PREX1: variants seen among roughly 807,000 people sequenced by gnomAD.
The protein encoded by PREX1 is phosphatidylinositol 3,4,5-trisphosphate-dependent Rac exchanger 1 protein.
In PREX1, 41 loss-of-function variants were observed where a neutral mutation model predicts 198.3. That is an observed-to-expected ratio of 0.21 (90% CI 0.16 to 0.27). PREX1 has a LOEUF of 0.27. Among genes scored for constraint, PREX1 ranks in the 10% least tolerant of loss-of-function variants. The probability of loss-of-function intolerance (pLI) is 1.00; values close to 1 mark genes in which losing one functional copy is unlikely to be tolerated. For synonymous variants in PREX1, 843 were observed against 887.2 expected (o/e 0.95, Z 0.89); for missense variants, 1,620 against 2,200.7 (o/e 0.74, Z 5.28).
At chr20:48,848,299 G>C in the PREX1 span, among the ~76,000 whole-genome samples, 1 of 148,094 alleles carries the variant, frequency 6.8e-6, no homozygotes, top group African/African-American at 2.5e-5. Context: ...CTGTTATCCA[G>C]TCTGGAGTCC....
At chr20:48,768,214 CAT>C (rs1249406633) in intron 1 of PREX1, among the ~76,000 whole-genome samples, 3 of 152,188 alleles carry the variant, frequency 2.0e-5, no homozygotes, top group Non-Finnish European at 2.9e-5. Context: ...TCACTCAAAA[CAT>C]AAAGTGCTTA....
chr20:48,651,629 G>C (rs1601045626), intron 21 of PREX1, 46 bp from the exon 22 acceptor site: 5 of 1,563,326 alleles, frequency 3.2e-6, no homozygotes, highest in Non-Finnish European at 4.3e-6. Flanking sequence ...CAGAGGGAGG[G>C]AGGAAGGCGA....
At chr20:48,651,169 T>C in intron 22 of PREX1, 114 bp from the exon 23 acceptor site, 1 of 1,378,384 alleles carries the variant, frequency 7.3e-7, no homozygotes, top group African/African-American at 1.4e-5. Context: ...GTCAGGTGTG[T>C]TGCTGGCCCA....
rs1253445876 is a variant in PREX1 at position 48,745,083 on chromosome 20, T to C, written c.356A>G (p.Tyr119Cys). 2 of 1,614,130 alleles carry C rather than the reference T, an allele frequency of 1.2e-6. No homozygotes were observed. The highest frequency in any genetic ancestry group is 1.7e-6 in the Non-Finnish European group (2 of 1,180,020). ...AGACTGCGGCTCCGGGTGTAAACAA[T>C]ACTCCAAGGCGGCCAAGAAATCCTT... is the stretch of plus-strand genomic sequence containing the variant. ...VHKDFLAALEYCLHPEPQSQH... is the reference protein window; with the variant it reads ...VHKDFLAALECCLHPEPQSQH... The change falls in exon 3 of 40, where the codon TAT (tyrosine) becomes TGT (cysteine). Residue 119 changes from tyrosine (Y) to cysteine (C), a missense_variant. Transcript: ENST00000371941.
At chr20:48,789,685 T>C (rs551705968) in intron 1 of PREX1, among the ~76,000 whole-genome samples, 2 of 152,256 alleles carry the variant, frequency 1.3e-5, no homozygotes, top group African/African-American at 2.4e-5. Flanking sequence ...GACTATAAAG[T>C]TTTTAAAAAG....
chr20:48,633,163 T>C (rs868823471), intron 33 of PREX1, among the ~76,000 whole-genome samples: 23 of 152,134 alleles, frequency 1.5e-4, no homozygotes, highest in African/African-American at 5.3e-4. Context: ...ATCAAAGCTC[T>C]GCCCGAGCCA....
intron 6 of PREX1, among the ~76,000 whole-genome samples, chr20:48,702,924 A>G (rs2089882796): frequency 6.6e-6 from 1 of 152,232 alleles, no homozygotes; most frequent in Admixed American, 6.5e-5. Flanking sequence ...CACGTGACAG[A>G]CCAGCAGATT....
the PREX1 span, among the ~76,000 whole-genome samples, chr20:48,859,082 G>A: frequency 2.0e-5 from 3 of 151,656 alleles, no homozygotes; most frequent in Non-Finnish European, 4.4e-5. Context: ...TAAATTTTTT[G>A]TAGAGGCAAG....
intron 35 of PREX1, among the ~76,000 whole-genome samples, 184 bp from the exon 36 acceptor site, chr20:48,630,978 G>A (rs2089310070): frequency 6.6e-6 from 1 of 152,034 alleles, no homozygotes. Flanking sequence ...AGCCGGGGGG[G>A]AAAGAGGGGC....
intron 1 of PREX1, among the ~76,000 whole-genome samples, chr20:48,754,408 TC>T (rs2090147817): frequency 6.6e-6 from 1 of 152,140 alleles, no homozygotes; most frequent in Non-Finnish European, 1.5e-5. Context: ...ATGAACCGCA[TC>T]AGCCTTTAAA....
intron 6 of PREX1, among the ~76,000 whole-genome samples, chr20:48,704,024 C>T (rs1041938775): frequency 1.3e-5 from 2 of 152,234 alleles, no homozygotes; most frequent in East Asian, 1.9e-4. Flanking sequence ...AAACCTTACA[C>T]ACTCAAAGCC....
At chr20:48,644,537 C>T in intron 26 of PREX1, 40 bp from the exon 27 acceptor site, 1 of 1,577,232 alleles carries the variant, frequency 6.3e-7, no homozygotes, top group South Asian at 1.1e-5. Flanking sequence ...TCACCCTGAG[C>T]TCAGGCCATC....
intron 25 of PREX1, 27 bp downstream of exon 25, chr20:48,649,273 C>G: frequency 6.2e-7 from 1 of 1,601,294 alleles, no homozygotes; most frequent in Non-Finnish European, 8.5e-7. Context: ...CCCCTGCTCA[C>G]GCCGGACACC....
chr20:48,783,398 T>C (rs2122931606), intron 1 of PREX1, among the ~76,000 whole-genome samples: 1 of 152,100 alleles, frequency 6.6e-6, no homozygotes, highest in Non-Finnish European at 1.5e-5. Flanking sequence ...AGGAACCAGT[T>C]ACAGGGGCAA....
At chr20:48,687,494 A>G (rs1446333239) in intron 10 of PREX1, among the ~76,000 whole-genome samples, 1 of 152,258 alleles carries the variant, frequency 6.6e-6, no homozygotes, top group Non-Finnish European at 1.5e-5. Context: ...ATCCTGGCTC[A>G]AGCCTGGCCC....
intron 15 of PREX1, among the ~76,000 whole-genome samples, chr20:48,661,452 T>A (rs1474431005): frequency 8.0e-4 from 74 of 93,014 alleles, no homozygotes; most frequent in African/African-American, 2.4e-3. Context: ...AAAATATATA[T>A]ATATATATAT....
intron 7 of PREX1, among the ~76,000 whole-genome samples, chr20:48,694,205 C>T (rs1481391571): frequency 6.6e-6 from 1 of 152,204 alleles, no homozygotes; most frequent in Non-Finnish European, 1.5e-5. Flanking sequence ...AGCCACCACG[C>T]CCAGCCCGAA....
At chr20:48,632,737 C>A (rs2089325387) in intron 33 of PREX1, 98 bp from the exon 34 acceptor site, 3 of 1,418,814 alleles carry the variant, frequency 2.1e-6, no homozygotes, top group East Asian at 2.4e-5. Flanking sequence ...TCCCTGCCCC[C>A]AGGTCCAGGG....
intron 1 of PREX1, among the ~76,000 whole-genome samples, chr20:48,796,553 C>G (rs2090363302): frequency 6.6e-6 from 1 of 151,896 alleles, no homozygotes; most frequent in South Asian, 2.1e-4. Flanking sequence ...ACATTTCATT[C>G]TATCTCACTG....
Sources: allele counts gnomAD v4.1 joint callset (sites outside exome capture counted in the v4.1 genomes callset), GRCh38; gene constraint gnomAD v4.1.1; transcripts MANE v1.5; gene names NCBI Gene and HGNC (gene_info 2026-07-23, HGNC 2026-07-21).